DCBLD2: variants seen among roughly 807,000 people sequenced by gnomAD.
DCBLD2 encodes discoidin, CUB and LCCL domain-containing protein 2.
In DCBLD2, 54 loss-of-function variants were observed where a neutral mutation model predicts 86.8. That is an observed-to-expected ratio of 0.62 (90% CI 0.50 to 0.78). The LOEUF (loss-of-function observed/expected upper bound fraction) is 0.78, where lower values mean the gene tolerates loss of function less well. Among genes scored for constraint, DCBLD2 ranks in the 30% least tolerant of loss-of-function variants. The pLI, the probability that DCBLD2 is intolerant of heterozygous loss-of-function variation, is 0.00. For synonymous variants in DCBLD2, 354 were observed against 341.3 expected, an observed-to-expected ratio of 1.04 and a Z score of -0.41; for missense variants, 908 against 954.2, an observed-to-expected ratio of 0.95 and a Z score of 0.64.
intron 1 of DCBLD2, among the ~76,000 whole-genome samples, chr3:98,900,392 C>G (rs546626090): frequency 6.6e-6 from 1 of 152,114 alleles, no homozygotes; most frequent in Non-Finnish European, 1.5e-5. Context: ...AAGAAATCAC[C>G]CTGCATTCTC....
At chr3:98,857,594 T>A (rs151216120) in intron 2 of DCBLD2, among the ~76,000 whole-genome samples, 1 of 152,200 alleles carries the variant, frequency 6.6e-6, no homozygotes. Flanking sequence ...AGAGTGTCGA[T>A]TGGTGCATTC....
intron 1 of DCBLD2, among the ~76,000 whole-genome samples, chr3:98,887,060 T>C (rs1943576366): frequency 6.6e-6 from 1 of 151,990 alleles, no homozygotes; most frequent in African/African-American, 2.4e-5. Flanking sequence ...ATATATGCAT[T>C]ACTGAATTTT....
rs1438757430 is a variant in DCBLD2 at position 98,801,890 on chromosome 3, A to G, written c.1671-241T>C. 10 of 394,136 alleles carry G rather than the reference A, an allele frequency of 2.5e-5. No individual in the cohort carries two copies. The East Asian group carries it at 3.3e-4, about 13-fold the overall frequency. 24.4% of individuals were successfully genotyped at this position (394,136 alleles called of 1,614,324 possible). ...TCACTACAAAGGACAGGAACTCATC[A>G]TTTTTTATGGCTGCATAGTATTCCA... On this transcript the variant is annotated intron_variant, in intron 13 of 15. Coordinates refer to ENST00000326840, the MANE Select transcript of DCBLD2 (RefSeq NM_080927.4).
chr3:98,862,533 G>A (rs1484801196), intron 2 of DCBLD2, among the ~76,000 whole-genome samples: 2 of 152,154 alleles, frequency 1.3e-5, no homozygotes, highest in Non-Finnish European at 2.9e-5. Context: ...GATCAAGTGG[G>A]CTTCATCTCT....
chr3:98,846,971 C>A (rs553897146), intron 3 of DCBLD2, among the ~76,000 whole-genome samples: 1 of 152,072 alleles, frequency 6.6e-6, no homozygotes, highest in South Asian at 2.1e-4. Flanking sequence ...AATAATTTAA[C>A]CTGATATTAA....
chr3:98,888,256 C>G (rs560559116), intron 1 of DCBLD2, among the ~76,000 whole-genome samples: 2 of 151,938 alleles, frequency 1.3e-5, no homozygotes, highest in Admixed American at 1.3e-4. Context: ...GACATTGCCC[C>G]CAGCTTCATT....
chr3:98,859,772 G>GA (rs1158112530), intron 2 of DCBLD2, among the ~76,000 whole-genome samples: 8 of 152,154 alleles, frequency 5.3e-5, no homozygotes, highest in Non-Finnish European at 1.2e-4. Flanking sequence ...CAAAGATGGG[G>GA]AAAAAACAGA....
At chr3:98,844,393 T>G (rs551439846) in intron 3 of DCBLD2, among the ~76,000 whole-genome samples, 9 of 140,668 alleles carry the variant, frequency 6.4e-5, no homozygotes, top group Non-Finnish European at 1.3e-4. Flanking sequence ...GTTTCATTCT[T>G]GTTGCCCAGG....
chr3:98,830,476 C>T (rs1476276276), intron 3 of DCBLD2, among the ~76,000 whole-genome samples: 2 of 152,172 alleles, frequency 1.3e-5, no homozygotes, highest in Non-Finnish European at 2.9e-5. Context: ...TATCCCAGCA[C>T]CATTTATTAA....
intron 2 of DCBLD2, among the ~76,000 whole-genome samples, chr3:98,878,215 G>A (rs1166062385): frequency 6.6e-6 from 1 of 152,136 alleles, no homozygotes; most frequent in Non-Finnish European, 1.5e-5. Flanking sequence ...AGAAAACTGA[G>A]AGACATCACC....
intron 2 of DCBLD2, among the ~76,000 whole-genome samples, chr3:98,857,341 T>C (rs772352754): frequency 3.6e-4 from 54 of 151,892 alleles, no homozygotes; most frequent in Non-Finnish European, 6.0e-4. Flanking sequence ...GCTTCCACAG[T>C]GTGTAAGGGG....
intron 1 of DCBLD2, among the ~76,000 whole-genome samples, chr3:98,890,955 C>A (rs954217638): frequency 6.6e-6 from 1 of 152,088 alleles, no homozygotes; most frequent in Non-Finnish European, 1.5e-5. Flanking sequence ...TGAAACTCCA[C>A]ATGTCCTACG....
chr3:98,837,943 A>G (rs1942506038), intron 3 of DCBLD2, among the ~76,000 whole-genome samples: 1 of 51,132 alleles, frequency 2.0e-5, no homozygotes. Context: ...TCCCTCCCGG[A>G]TGGGGTGGCT....
chr3:98,857,043 T>C (rs778034679), intron 2 of DCBLD2, among the ~76,000 whole-genome samples: 5 of 152,206 alleles, frequency 3.3e-5, no homozygotes, highest in South Asian at 2.1e-4. Flanking sequence ...AAAGGTGGCA[T>C]GTCCGGAGTT....
intron 2 of DCBLD2, among the ~76,000 whole-genome samples, chr3:98,880,546 T>A (rs925119494): frequency 6.6e-6 from 1 of 152,124 alleles, no homozygotes. Context: ...CCTAATCAAT[T>A]CTGATTCAAC....
At chr3:98,887,823 C>G (rs1160631819) in intron 1 of DCBLD2, among the ~76,000 whole-genome samples, 1 of 151,870 alleles carries the variant, frequency 6.6e-6, no homozygotes, top group Non-Finnish European at 1.5e-5. Context: ...ATTGATGAAC[C>G]TACACTGACA....
At chr3:98,833,695 C>T (rs1029567077) in intron 3 of DCBLD2, among the ~76,000 whole-genome samples, 7 of 152,146 alleles carry the variant, frequency 4.6e-5, no homozygotes, top group Admixed American at 6.5e-5. Flanking sequence ...CATGGAGAAC[C>T]GTCTGACCAC....
intron 15 of DCBLD2, among the ~76,000 whole-genome samples, chr3:98,800,110 C>G (rs180822156): frequency 1.9e-4 from 29 of 152,212 alleles, no homozygotes; most frequent in Admixed American, 1.9e-3. Flanking sequence ...CAACATATTT[C>G]TTTACTGAAT....
At chr3:98,837,044 G>A (rs1206270008) in intron 3 of DCBLD2, among the ~76,000 whole-genome samples, 3 of 45,248 alleles carry the variant, frequency 6.6e-5, no homozygotes, top group East Asian at 8.7e-4. Flanking sequence ...GGCCGGGCGG[G>A]GGGGCTGACC....
Sources: allele counts gnomAD v4.1 joint callset (sites outside exome capture counted in the v4.1 genomes callset), GRCh38; gene constraint gnomAD v4.1.1; transcripts MANE v1.5; gene names NCBI Gene and HGNC (gene_info 2026-07-23, HGNC 2026-07-21).